Variants in TEAD1 observed in about 807,000 individuals in gnomAD.
TEAD1 encodes transcriptional enhancer factor TEF-1.
Under a neutral mutation model 54.9 loss-of-function variants are expected in TEAD1, and 9 were observed. That is an observed-to-expected ratio of 0.16 (90% CI 0.10 to 0.29). TEAD1 has a LOEUF of 0.29. TEAD1 is among the 10% of genes least tolerant of loss of function. TEAD1 has a pLI of 1.00. For missense variants in TEAD1, 387 were observed against 535.9 expected (o/e 0.72, Z 2.74); for synonymous variants, 200 against 187.8 (o/e 1.07, Z -0.53).
chr11:12,836,211 G>A (rs968755026), intron 3 of TEAD1, among the ~76,000 whole-genome samples: 2 of 152,084 alleles, frequency 1.3e-5, no homozygotes, highest in Non-Finnish European at 2.9e-5. Context: ...ATGAGGTCAG[G>A]AGATGAAGAC....
chr11:12,830,177 T>G (rs1267000771), intron 3 of TEAD1, among the ~76,000 whole-genome samples: 2 of 151,396 alleles, frequency 1.3e-5, no homozygotes, highest in Admixed American at 6.6e-5. Flanking sequence ...GATTGAGGTT[T>G]CAAAGACCAA....
intron 9 of TEAD1, among the ~76,000 whole-genome samples, chr11:12,886,469 G>T (rs1948088893): frequency 6.6e-6 from 1 of 152,158 alleles, no homozygotes; most frequent in African/African-American, 2.4e-5. Context: ...TATTTAACAA[G>T]TATTTTTTGA....
chr11:12,720,265 T>C (rs1944164678), intron 2 of TEAD1, among the ~76,000 whole-genome samples: 1 of 152,124 alleles, frequency 6.6e-6, no homozygotes, highest in Admixed American at 6.5e-5. Flanking sequence ...CTCTGACTAT[T>C]AAAAATAACA....
At chr11:12,807,136 C>T (rs1011376666) in intron 3 of TEAD1, among the ~76,000 whole-genome samples, 1 of 152,170 alleles carries the variant, frequency 6.6e-6, no homozygotes, top group Non-Finnish European at 1.5e-5. Context: ...TGAAAGCTCT[C>T]CCTTTTTGCA....
intron 9 of TEAD1, among the ~76,000 whole-genome samples, chr11:12,899,856 G>A (rs1295816018): frequency 6.6e-6 from 1 of 152,144 alleles, no homozygotes; most frequent in African/African-American, 2.4e-5. Context: ...AAAAGATACT[G>A]GCCTCAGTTG....
intron 5 of TEAD1, among the ~76,000 whole-genome samples, chr11:12,871,377 G>A (rs371300783): frequency 1.1e-4 from 16 of 152,164 alleles, no homozygotes; most frequent in African/African-American, 1.7e-4. Context: ...TCTCTACTTC[G>A]AATTGTTTCA....
At chr11:12,895,087 C>T (rs1361200160) in intron 9 of TEAD1, among the ~76,000 whole-genome samples, 1 of 152,070 alleles carries the variant, frequency 6.6e-6, no homozygotes, top group African/African-American at 2.4e-5. Flanking sequence ...CACCACAGTC[C>T]AGGTGTTCAT....
chr11:12,847,868 A>G (rs1180417155), intron 3 of TEAD1, among the ~76,000 whole-genome samples: 1 of 152,142 alleles, frequency 6.6e-6, no homozygotes, highest in Admixed American at 6.5e-5. Flanking sequence ...TCCTGAATCT[A>G]AGCTCAACTG....
intron 4 of TEAD1, among the ~76,000 whole-genome samples, chr11:12,864,071 CAAAA>C (rs35076560): frequency 7.1e-6 from 1 of 140,358 alleles, no homozygotes. Context: ...TTTATAAGGG[CAAAA>C]AAAAAAAAAA....
chr11:12,703,180 A>C (rs572559555), intron 2 of TEAD1, among the ~76,000 whole-genome samples: 2 of 152,274 alleles, frequency 1.3e-5, no homozygotes, highest in South Asian at 4.1e-4. Context: ...TCAGTGGAGC[A>C]TAGCATCCCA....
chr11:12,721,105 C>G (rs1466032031), intron 2 of TEAD1, among the ~76,000 whole-genome samples: 2 of 152,222 alleles, frequency 1.3e-5, no homozygotes, highest in African/African-American at 4.8e-5. Flanking sequence ...CAGACTCTCA[C>G]TTACTGCCTG....
chr11:12,677,869 T>G (rs1411705038), intron 2 of TEAD1, among the ~76,000 whole-genome samples: 1 of 152,222 alleles, frequency 6.6e-6, no homozygotes, highest in African/African-American at 2.4e-5. Context: ...ATTACTTTTC[T>G]CTCTAATCTC....
At chr11:12,746,650 T>A (rs1354469904) in intron 2 of TEAD1, among the ~76,000 whole-genome samples, 1 of 152,246 alleles carries the variant, frequency 6.6e-6, no homozygotes, top group African/African-American at 2.4e-5. Context: ...CTTTTTTTTC[T>A]TCTCCTGAGC....
At chr11:12,884,895 T>C (rs1209115172) in intron 9 of TEAD1, among the ~76,000 whole-genome samples, 1 of 152,216 alleles carries the variant, frequency 6.6e-6, no homozygotes, top group Non-Finnish European at 1.5e-5. Flanking sequence ...GCTGGTTCTT[T>C]CTGGGAAGCA....
chr11:12,807,672 G>A (rs1004959333), intron 3 of TEAD1, among the ~76,000 whole-genome samples: 3 of 152,214 alleles, frequency 2.0e-5, no homozygotes, highest in African/African-American at 7.2e-5. Flanking sequence ...TTTATAGAAA[G>A]GTAACATTTT....
chr11:12,787,799 A>G (rs987113264), intron 3 of TEAD1, among the ~76,000 whole-genome samples: 4 of 152,148 alleles, frequency 2.6e-5, no homozygotes, highest in Non-Finnish European at 4.4e-5. Context: ...TTTTTTGGAG[A>G]AAAATACTGA....
intron 3 of TEAD1, among the ~76,000 whole-genome samples, chr11:12,851,372 C>T (rs988718640): frequency 7.7e-5 from 11 of 142,248 alleles, no homozygotes; most frequent in African/African-American, 3.4e-4. Context: ...TAACTATTGT[C>T]GTCACACACA....
At chr11:12,719,657 G>A (rs1944142051) in intron 2 of TEAD1, among the ~76,000 whole-genome samples, 1 of 152,070 alleles carries the variant, frequency 6.6e-6, no homozygotes. Flanking sequence ...GACAACCAAG[G>A]CTGAGGTAAA....
intron 9 of TEAD1, among the ~76,000 whole-genome samples, chr11:12,900,086 G>C (rs1012663415): frequency 2.6e-5 from 4 of 152,180 alleles, no homozygotes; most frequent in Admixed American, 2.6e-4. Context: ...TAAGAGACAA[G>C]GTCTTACTGT....
Sources: gnomAD v4.1 joint callset for allele counts (sites outside exome capture counted in the v4.1 genomes callset) on GRCh38, gnomAD v4.1.1 for gene constraint, MANE v1.5 for transcripts, NCBI Gene and HGNC (gene_info 2026-07-23, HGNC 2026-07-21) for gene names.